The following HADHB variants were observed in gnomAD, a reference collection of about 807,000 sequenced individuals.
HADHB encodes trifunctional enzyme subunit beta, mitochondrial.
HADHB carries 50 observed loss-of-function variants against 61.9 expected under a neutral mutation model. The ratio of observed to expected loss-of-function variants is 0.81; its 90% CI spans 0.64 to 1.02. HADHB has a LOEUF of 1.02. Among genes scored for constraint, HADHB ranks in the 50% least tolerant of loss-of-function variants. The pLI is 0.00. For synonymous variants in HADHB, 191 were observed against 201.6 expected, an observed-to-expected ratio of 0.95 and a Z score of 0.45; for missense variants, 504 against 586.5, an observed-to-expected ratio of 0.86 and a Z score of 1.45.
chr2:26,273,530 C>T (rs149270573), intron 5 of HADHB, 121 bp from the exon 6 acceptor site: 11 of 695,600 alleles, frequency 1.6e-5, no homozygotes, highest in African/African-American at 1.1e-4. Context: ...AGAAAAGATA[C>T]AGTCTCTGTC....
chr2:26,275,998 G>T (rs1672520249), intron 6 of HADHB, among the ~76,000 whole-genome samples: 1 of 152,116 alleles, frequency 6.6e-6, no homozygotes, highest in Non-Finnish European at 1.5e-5. Context: ...AGTAAATATT[G>T]TGTGGGTGTG....
chr2:26,247,365 G>C (rs1671208942), intron 1 of HADHB, among the ~76,000 whole-genome samples: 1 of 152,152 alleles, frequency 6.6e-6, no homozygotes, highest in South Asian at 2.1e-4. Context: ...TCTTACTTTT[G>C]AAATCTCTAT....
At chr2:26,249,575 G>A (rs1006797213) in intron 1 of HADHB, among the ~76,000 whole-genome samples, 1 of 151,952 alleles carries the variant, frequency 6.6e-6, no homozygotes, top group Non-Finnish European at 1.5e-5. Context: ...ACAATGAGAG[G>A]TTGGGTTTCA....
At chr2:26,285,757 T>TTTTTTTTTTTTTTTTTTTTTTA (rs10673554) in intron 15 of HADHB, among the ~76,000 whole-genome samples, 186 bp downstream of exon 15, 1 of 142,104 alleles carries the variant, frequency 7.0e-6, no homozygotes, top group African/African-American at 2.6e-5. Flanking sequence ...TTTTTTTTTT[T>TTTTTTTTTTTTTTTTTTTTTTA]GAGACAGTCT....
rs267606859 is a variant in HADHB, at chr2:26,285,546, T to C, written c.1364T>C (p.Val455Ala). 5.0e-6 allele frequency: 8 copies of C among 1,613,888 alleles called. No homozygotes were observed. In the East Asian group the frequency reaches 1.6e-4, roughly 31 times the overall value. The change falls in exon 15 of 16, where the codon GTG becomes GCG. Residue 455 changes from valine to alanine, a missense_variant. Coordinates refer to ENST00000317799, the MANE Select transcript of HADHB (RefSeq NM_000183.3). Reference protein sequence around the residue: ...LRKEGGQYGLVAACAAGGQGH... With the variant: ...LRKEGGQYGLAAACAAGGQGH... The stretch of plus-strand genomic sequence containing the variant: ...AAAGAAGGAGGCCAGTATGGCTTAG[T>C]GGCTGCGTGTGCAGCTGGAGGGCAG...
intron 1 of HADHB, among the ~76,000 whole-genome samples, chr2:26,246,646 A>G (rs999323553): frequency 1.3e-5 from 2 of 151,094 alleles, no homozygotes; most frequent in African/African-American, 4.9e-5. Context: ...CGACCTTACA[A>G]CTCTTTAAAA....
At chr2:26,283,552 A>G (rs1315525524) in intron 12 of HADHB, among the ~76,000 whole-genome samples, 2 of 152,144 alleles carry the variant, frequency 1.3e-5, no homozygotes, top group African/African-American at 4.8e-5. Context: ...ATAAAATAGT[A>G]GTAATCCTTT....
intron 4 of HADHB, among the ~76,000 whole-genome samples, chr2:26,267,391 C>T (rs1321216165): frequency 1.3e-5 from 2 of 152,074 alleles, no homozygotes; most frequent in Non-Finnish European, 2.9e-5. Context: ...GTCTGACCTG[C>T]AGGAGCTACC....
In HADHB at chr2:26,279,173, G is replaced by A; in HGVS notation, c.669G>A (p.Met223Ile). The change falls in exon 9 of 16, where the codon ATG (methionine) becomes ATA (isoleucine). Residue 223 changes from methionine to isoleucine, a missense_variant. Coordinates refer to ENST00000317799, the MANE Select transcript of HADHB (RefSeq NM_000183.3). ...AVSEFSTSET[M>I]GHSADRLAAA... ...CTGAGTTCTCCACCAGTGAGACCAT[G>A]GGCCACTCTGCAGACCGACTGGCCG... 3 of 1,613,936 alleles carry A rather than the reference G, an allele frequency of 1.9e-6. No homozygotes were observed. Among genetic ancestry groups the A allele is most frequent in the Non-Finnish European group, 2.5e-6 (3 of 1,179,868 alleles).
intron 1 of HADHB, among the ~76,000 whole-genome samples, chr2:26,252,335 A>G (rs1380533203): frequency 6.6e-6 from 1 of 152,202 alleles, no homozygotes; most frequent in African/African-American, 2.4e-5. Flanking sequence ...TGGCTACCAA[A>G]GTCTTTGTTG....
chr2:26,286,126 T>C (rs1673024582), intron 15 of HADHB, among the ~76,000 whole-genome samples: 1 of 152,204 alleles, frequency 6.6e-6, no homozygotes, highest in Non-Finnish European at 1.5e-5. Flanking sequence ...CTTATAAATA[T>C]ATGCTGATTA....
At chr2:26,267,867 C>T (rs753542493) in intron 4 of HADHB, among the ~76,000 whole-genome samples, 2 of 151,050 alleles carry the variant, frequency 1.3e-5, no homozygotes, top group South Asian at 2.1e-4. Flanking sequence ...GGACTGTGTA[C>T]AGTGGTTCAC....
At chr2:26,257,190 G>A (rs1233811079) in intron 3 of HADHB, among the ~76,000 whole-genome samples, 1 of 148,552 alleles carries the variant, frequency 6.7e-6, no homozygotes, top group East Asian at 2.0e-4. Context: ...GCACAGTCTC[G>A]GCTCACTGCA....
intron 5 of HADHB, among the ~76,000 whole-genome samples, chr2:26,272,876 G>A (rs960779150): frequency 1.8e-4 from 28 of 152,022 alleles, no homozygotes; most frequent in Middle Eastern, 6.8e-3. Flanking sequence ...TTGCAGTCAG[G>A]AGTCCGAGAC....
In HADHB at chr2:26,289,989, A is replaced by G. The variant is rs900847439; in HGVS notation, c.*36A>G. The G allele has an allele frequency of 1.4e-6, 2 of 1,415,814 alleles. No individual in the cohort carries two copies. The allele number at this position is 1,415,814 out of a possible 1,614,324, so 87.7% of individuals were successfully genotyped here. A position where few individuals can be genotyped will look rare whatever the true frequency, so the allele number is the denominator to read the frequency against. On this transcript the variant is annotated 3_prime_UTR_variant, in exon 16 of 16. Transcript: ENST00000317799. ...AGAAGTGACCTGAAGTTTCTGTGCA[A>G]CACTCACACTAGGCAATGCCATTTC...
At chr2:26,251,196 G>GT (rs1302492135) in intron 1 of HADHB, among the ~76,000 whole-genome samples, 17 of 149,792 alleles carry the variant, frequency 1.1e-4, no homozygotes, top group Non-Finnish European at 2.1e-4. Context: ...TGTTTTGTTT[G>GT]TTTTTTTTTG....
chr2:26,290,306 T>C lies in HADHB; in HGVS notation c.*353T>C. ...AATATTTGCAAATTATACTTGTTCT[T>C]ATCTGTGTCCTAAAGATGTGTTCTC... On this transcript the variant is annotated 3_prime_UTR_variant, in exon 16 of 16. Transcript: ENST00000317799. The C allele has an allele frequency of 9.2e-6, 3 of 326,664 alleles. No individual in the cohort carries two copies. Among genetic ancestry groups the C allele is most frequent in the Non-Finnish European group, 1.8e-5 (3 of 170,956 alleles). 20.2% of individuals were successfully genotyped at this position (326,664 alleles called of 1,614,324 possible). A position where few individuals can be genotyped will look rare whatever the true frequency, so the allele number is the denominator to read the frequency against.
At chr2:26,286,185 C>G (rs1044236853) in intron 15 of HADHB, among the ~76,000 whole-genome samples, 2 of 152,146 alleles carry the variant, frequency 1.3e-5, no homozygotes, top group African/African-American at 4.8e-5. Context: ...TTAGAATCAT[C>G]TATAATCTCC....
chr2:26,257,105 C>G (rs1440407792), intron 3 of HADHB, among the ~76,000 whole-genome samples: 1 of 151,224 alleles, frequency 6.6e-6, no homozygotes, highest in Non-Finnish European at 1.5e-5. Flanking sequence ...AGGCTAAGAG[C>G]TCCCCTTCTT....
Sources: gnomAD v4.1 joint callset for allele counts (sites outside exome capture counted in the v4.1 genomes callset) on GRCh38, gnomAD v4.1.1 for gene constraint, MANE v1.5 for transcripts, NCBI Gene and HGNC (gene_info 2026-07-23, HGNC 2026-07-21) for gene names.